C4orf54: variants seen among roughly 807,000 people sequenced by gnomAD.
C4orf54 encodes the protein chromosome 4 open reading frame 54, also known as uncharacterized protein C4orf54.
Under a neutral mutation model 80.1 loss-of-function variants are expected in C4orf54, and 67 were observed. The ratio of observed to expected loss-of-function variants is 0.84; its 90% CI spans 0.69 to 1.03. The LOEUF (loss-of-function observed/expected upper bound fraction) is 1.03. C4orf54 is among the 50% of genes least tolerant of loss of function. The probability of loss-of-function intolerance (pLI) is 0.00; values close to 1 mark genes in which losing one functional copy is unlikely to be tolerated. For missense variants in C4orf54, 2,434 were observed against 2,253.5 expected (o/e 1.08, Z -1.62); for synonymous variants, 1,000 against 917.0 (o/e 1.09, Z -1.64).
intron 2 of C4orf54, among the ~76,000 whole-genome samples, chr4:99,645,956 G>T (rs1018142315): frequency 6.6e-6 from 1 of 152,216 alleles, no homozygotes; most frequent in East Asian, 1.9e-4. Context: ...ATGGGTTGTG[G>T]CATGGCAAAA....
At position 99,649,941 on chromosome 4, in the gene C4orf54, G is replaced by A; in HGVS notation, c.4708C>T (p.Gln1570Ter). The part of the protein sequence containing the change: ...YHQPPLPFTL[Q>*]GAQPQVLCFS... Reference sequence around the variant, plus strand: ...CAGAGGACCTGAGGCTGGGCCCCCTGTAGGGTGAAGGGCAGCGGCGGCTGG... The same window carrying A: ...CAGAGGACCTGAGGCTGGGCCCCCTATAGGGTGAAGGGCAGCGGCGGCTGG... The change falls in exon 2 of 3, where the codon CAG becomes TAG. Residue 1570 changes from glutamine to a stop codon, truncating the protein, a stop_gained. Coordinates refer to ENST00000511828, the MANE Select transcript of C4orf54 (RefSeq NM_001354435.2). LOFTEE classifies it low-confidence loss of function (END_TRUNC). The A allele has an allele frequency of 1.3e-6, 2 of 1,532,950 alleles. No individual in the cohort carries two copies. The highest frequency in any genetic ancestry group is 1.7e-6 in the Non-Finnish European group (2 of 1,144,614). 95.0% of individuals were successfully genotyped at this position (1,532,950 alleles called of 1,614,324 possible).
rs112158629 is a variant in C4orf54, at chr4:99,649,254, T to G, written c.*13A>C. 12 of 1,490,028 alleles carry G rather than the reference T, an allele frequency of 8.1e-6. No individual in the cohort carries two copies. Among genetic ancestry groups the G allele is most frequent in the African/African-American group, 7.0e-5 (5 of 71,618 alleles). The allele number at this position is 1,490,028 out of a possible 1,614,324, so 92.3% of individuals were successfully genotyped here. On this transcript the variant is annotated 3_prime_UTR_variant, in exon 2 of 3. Coordinates refer to ENST00000511828, the MANE Select transcript of C4orf54 (RefSeq NM_001354435.2). ...ACCAGCAGTTTTTCATTCCGCTTCC[T>G]GGTGGCTGCTCATCATCTGTGTTCT...
intron 2 of C4orf54, among the ~76,000 whole-genome samples, chr4:99,648,074 T>G (rs558916913): frequency 6.7e-6 from 1 of 149,058 alleles, no homozygotes; most frequent in South Asian, 2.1e-4. Context: ...TGGTTCAGAA[T>G]ATGATCTTAC....
intron 2 of C4orf54, among the ~76,000 whole-genome samples, chr4:99,643,848 A>G (rs1726653293): frequency 6.6e-6 from 1 of 151,894 alleles, no homozygotes; most frequent in South Asian, 2.1e-4. Flanking sequence ...AATGAAACAG[A>G]AATTTGGAAA....
chr4:99,656,985 T>C (rs1381386159), intron 1 of C4orf54, among the ~76,000 whole-genome samples: 1 of 152,262 alleles, frequency 6.6e-6, no homozygotes, highest in East Asian at 1.9e-4. Flanking sequence ...TTTTTTCTGG[T>C]TTTTCATATA....
intron 2 of C4orf54, among the ~76,000 whole-genome samples, chr4:99,645,022 C>T (rs972563430): frequency 1.8e-4 from 27 of 151,878 alleles, no homozygotes; most frequent in African/African-American, 5.3e-4. Flanking sequence ...AAGAAGAAGG[C>T]GCCTGTGTAC....
In C4orf54 at chr4:99,651,500, G is replaced by T; in HGVS notation, c.3149C>A (p.Thr1050Lys). The T allele has an allele frequency of 6.5e-7, 1 of 1,536,218 alleles. No individual in the cohort carries two copies. Among genetic ancestry groups the T allele is most frequent in the Non-Finnish European group, 8.7e-7 (1 of 1,146,896 alleles). ...SSDFNIAKLL[T>K]PKLAGGSASN... ...GGCGCTGCCACCGGCCAGCTTGGGC[G>T]TGAGCAACTTGGCAATGTTGAAGTC... Residue 1050 changes from threonine (T) to lysine (K), a missense_variant, in exon 2 of 3, where the codon ACG becomes AAG. Physicochemically the swap from Thr to Lys is moderately conservative, Grantham distance 78. Coordinates refer to ENST00000511828, the MANE Select transcript of C4orf54 (RefSeq NM_001354435.2).
In C4orf54 at chr4:99,637,814, G is replaced by T. The variant is rs1307573708; in HGVS notation, c.*3419C>A. ...TAAACTGTAGAATGAAACTCCTCAA[G>T]CACCACATAAGAAAATGTATACCAT... On this transcript the variant is annotated 3_prime_UTR_variant, in exon 3 of 3. Transcript: ENST00000511828. 6.6e-6 allele frequency: 1 copy of T among 152,034 alleles called. No homozygotes were observed. The highest frequency in any genetic ancestry group is 1.5e-5 in the Non-Finnish European group (1 of 68,000). The allele number at this position is 152,034 out of a possible 1,614,324, so 9.4% of individuals were successfully genotyped here.
chr4:99,653,191 G>A lies in C4orf54; in HGVS notation c.1458C>T (p.Gly486=), dbSNP rs1726891839. Reference sequence around the variant, plus strand: ...GCAAGGGCTCAGTCAGGGGGGCAGTGCCAGGCCCAGTGGGTGGGGGAGTGG... The same window carrying A: ...GCAAGGGCTCAGTCAGGGGGGCAGTACCAGGCCCAGTGGGTGGGGGAGTGG... ...SGPTPPPTGP[G]TAPLTEPLPE... Residue 486 remains glycine (G), a synonymous_variant, in exon 2 of 3, where the codon GGC becomes GGT. Coordinates refer to ENST00000511828, the MANE Select transcript of C4orf54 (RefSeq NM_001354435.2). 1 of 1,535,864 alleles carries A rather than the reference G, an allele frequency of 6.5e-7. No individual in the cohort carries two copies. The highest frequency in any genetic ancestry group is 8.7e-7 in the Non-Finnish European group (1 of 1,146,756).
chr4:99,653,693 CCCACGG>C lies in C4orf54; in HGVS notation c.950_955del (p.Ala317_Val318del). 6.5e-7 allele frequency: 1 copy of C among 1,529,584 alleles called. No individual in the cohort carries two copies. 94.8% of individuals were successfully genotyped at this position (1,529,584 alleles called of 1,614,324 possible). ...TCCTGATATTTTCTCTCCTTCTCCT[CCCACGG>C]CCTGGCAACCTTCACTTTCACCACT... On this transcript the variant is annotated inframe_deletion, in exon 2 of 3. Transcript: ENST00000511828.
In C4orf54 at chr4:99,650,594, A is replaced by G; in HGVS notation, c.4055T>C (p.Val1352Ala). 2 of 1,535,974 alleles carry G rather than the reference A, an allele frequency of 1.3e-6. No individual in the cohort carries two copies. The highest frequency in any genetic ancestry group is 2.4e-5 in the South Asian group (2 of 84,054). ...CTCAAAGGCCGCTGCCCTGGCAGAC[A>G]CACTCTCAGCGCTGGGGTTGGAGTT... ...RRNSNPSAES[V>A]SARAAAFENL... Residue 1352 changes from valine (V) to alanine (A), a missense_variant, in exon 2 of 3, where the codon GTG (valine) becomes GCG (alanine). By Grantham distance (64) the Val-to-Ala change is moderately conservative (BLOSUM62 0). Coordinates refer to ENST00000511828, the MANE Select transcript of C4orf54 (RefSeq NM_001354435.2).
At chr4:99,646,884 T>C (rs1013068263) in intron 2 of C4orf54, among the ~76,000 whole-genome samples, 1 of 152,084 alleles carries the variant, frequency 6.6e-6, no homozygotes, top group Non-Finnish European at 1.5e-5. Flanking sequence ...ATTACACACT[T>C]AAAAAAAATC....
At chr4:99,642,219 T>A (rs1407868318) in intron 2 of C4orf54, among the ~76,000 whole-genome samples, 1 of 152,060 alleles carries the variant, frequency 6.6e-6, no homozygotes, top group African/African-American at 2.4e-5. Context: ...CCTTAGGACA[T>A]AAAAAGCAGC....
In C4orf54 at chr4:99,651,519, T is replaced by C; in HGVS notation, c.3130A>G (p.Asn1044Asp). The change falls in exon 2 of 3, where the codon AAC (asparagine) becomes GAC (aspartate). Residue 1044 changes from asparagine (N) to aspartate (D), a missense_variant. Coordinates refer to ENST00000511828, the MANE Select transcript of C4orf54 (RefSeq NM_001354435.2). ...GSVQQPSSDF[N>D]IAKLLTPKLA... ...TTGGGCGTGAGCAACTTGGCAATGT[T>C]GAAGTCTGAGCTCGGCTGCTGCACA... 6.5e-7 allele frequency: 1 copy of C among 1,536,190 alleles called. No individual in the cohort carries two copies. The highest frequency in any genetic ancestry group is 2.4e-5 in the East Asian group (1 of 40,886).
At position 99,653,324 on chromosome 4, in the gene C4orf54, G is replaced by C. The variant is rs1189217281; in HGVS notation, c.1325C>G (p.Thr442Ser). ...YLSTTPSTNT[T>S]RTPSPTSSDL... is the part of the protein sequence containing the mutation. ...GCTGCTTGTAGGGCTGGGCGTCCGGGTGGTGTTGGTGCTGGGAGTGGTGCT... is the reference window on the plus strand; with the variant it reads ...GCTGCTTGTAGGGCTGGGCGTCCGGCTGGTGTTGGTGCTGGGAGTGGTGCT... The change falls in exon 2 of 3, where the codon ACC becomes AGC. Residue 442 changes from threonine to serine, a missense_variant. Transcript: ENST00000511828. The C allele has an allele frequency of 6.5e-7, 1 of 1,534,072 alleles. No individual in the cohort carries two copies. Among genetic ancestry groups the C allele is most frequent in the South Asian group, 1.2e-5 (1 of 83,906 alleles).
At position 99,656,630 on chromosome 4, in the gene C4orf54, G is replaced by A. The variant is rs373896007; in HGVS notation, c.-32+865C>T. ...AATATTCACAGCTAAGACTTACATAGCATTTACTATGTGCCAAGAACTACT... is the reference window on the plus strand; with the variant it reads ...AATATTCACAGCTAAGACTTACATAACATTTACTATGTGCCAAGAACTACT... On this transcript the variant is annotated intron_variant, in intron 1 of 2. Transcript: ENST00000511828. Among the ~76,000 whole-genome samples the A allele has an allele frequency of 5.9e-5, 9 of 152,168 alleles. No individual in the cohort carries two copies. The East Asian group carries it at 7.7e-4, about 13-fold the overall frequency.
chr4:99,645,398 A>G (rs911151526), intron 2 of C4orf54, among the ~76,000 whole-genome samples: 1 of 142,004 alleles, frequency 7.0e-6, no homozygotes, highest in South Asian at 2.2e-4. Context: ...ATGAAGAAAC[A>G]AAGGCTTACA....
At chr4:99,648,554 A>AGTGTGT (rs60651888) in intron 2 of C4orf54, among the ~76,000 whole-genome samples, 134 of 145,834 alleles carry the variant, frequency 9.2e-4, no homozygotes, top group South Asian at 4.5e-3. Context: ...TAGAGAACAA[A>AGTGTGT]GTGTGTGTGT....
chr4:99,649,301 C>G lies in C4orf54; in HGVS notation c.5348G>C (p.Gly1783Ala), dbSNP rs1726754262. Residue 1783 changes from glycine (G) to alanine (A), a missense_variant, in exon 2 of 3, where the codon GGC becomes GCC. By Grantham distance (60) the Gly-to-Ala change is moderately conservative. Transcript: ENST00000511828. The stretch of plus-strand genomic sequence containing the variant: ...TTCTACCACAAAGCTCATGGTGGTG[C>G]CATCAAAGGAAGGGGGAGCAATGAT... ...PRIIAPPSFD[G>A]TTMSFVVEHR 2 of 1,532,742 alleles carry G rather than the reference C, an allele frequency of 1.3e-6. No homozygotes were observed. Among genetic ancestry groups the G allele is most frequent in the Admixed American group, 2.0e-5 (1 of 50,808 alleles). The allele number at this position is 1,532,742 out of a possible 1,614,324, so 94.9% of individuals were successfully genotyped here.
Sources: allele counts gnomAD v4.1 joint callset (sites outside exome capture counted in the v4.1 genomes callset), GRCh38; gene constraint gnomAD v4.1.1; transcripts MANE v1.5; gene names NCBI Gene and HGNC (gene_info 2026-07-23, HGNC 2026-07-21).